Variants in CIB3 observed in about 807,000 individuals in gnomAD.
CIB3 encodes the protein calcium and integrin binding family member 3, also known as calcium and integrin-binding family member 3.
A neutral mutation model predicts 23.4 loss-of-function variants in CIB3; 22 were observed. The ratio of observed to expected loss-of-function variants is 0.94; its 90% CI spans 0.67 to 1.34. The LOEUF is 1.34. Ranked by LOEUF, CIB3 falls within the 40% of genes most tolerant of loss-of-function variation. The probability of loss-of-function intolerance (pLI) is 0.00; values close to 1 mark genes in which losing one functional copy is unlikely to be tolerated. For missense variants in CIB3, 258 were observed against 247.3 expected, an observed-to-expected ratio of 1.04 and a Z score of -0.29; for synonymous variants, 93 against 95.8, an observed-to-expected ratio of 0.97 and a Z score of 0.17.
chr19:16,168,070 GCCAC>G, intron 4 of CIB3, 63 bp downstream of exon 4: 2 of 1,531,452 alleles, frequency 1.3e-6, no homozygotes, highest in South Asian at 1.2e-5. Flanking sequence ...TGATGTGGGT[GCCAC>G]CCACCCAGTT....
chr19:16,166,061 A>G (rs1034280493), intron 4 of CIB3, among the ~76,000 whole-genome samples: 2 of 151,958 alleles, frequency 1.3e-5, no homozygotes, highest in Non-Finnish European at 2.9e-5. Context: ...GGAGGTGGAG[A>G]TGGGTAGATC....
At chr19:16,169,957 G>C (rs10405936) in intron 2 of CIB3, among the ~76,000 whole-genome samples, 94,640 of 152,016 alleles carry the variant, frequency 0.62, 32,324 homozygotes, top group East Asian at 0.95. Flanking sequence ...ACCCTGCCAC[G>C]CCCGGCTAAT....
chr19:16,173,121 T>C (rs1183005343), intron 2 of CIB3, 41 bp downstream of exon 2: 4 of 1,608,792 alleles, frequency 2.5e-6, no homozygotes, highest in Admixed American at 1.7e-5. Flanking sequence ...GAATAGAAAG[T>C]TGTTTTTCCA....
chr19:16,168,363 C>T, intron 3 of CIB3, 79 bp from the exon 4 acceptor site: 4 of 1,558,492 alleles, frequency 2.6e-6, no homozygotes, highest in Admixed American at 1.9e-5. Context: ...ACTATCAGCA[C>T]CCACCTTCTG....
intron 4 of CIB3, among the ~76,000 whole-genome samples, chr19:16,165,217 C>G (rs1016735823): frequency 3.7e-5 from 5 of 135,166 alleles, no homozygotes; most frequent in African/African-American, 1.1e-4. Context: ...CACTTGAGCC[C>G]GGGAGGTGGA....
intron 4 of CIB3, among the ~76,000 whole-genome samples, chr19:16,167,153 G>A (rs533493314): frequency 1.4e-3 from 210 of 152,204 alleles, no homozygotes; most frequent in African/African-American, 4.8e-3. Context: ...CCCGGAAGAC[G>A]GAGGTTGCAG....
intron 5 of CIB3, 97 bp downstream of exon 5, chr19:16,164,621 G>T: frequency 8.7e-7 from 1 of 1,146,760 alleles, no homozygotes; most frequent in Non-Finnish European, 1.3e-6. Context: ...ATGAAAGAAT[G>T]AATAGAGGAA....
chr19:16,173,515 G>T lies in CIB3; in HGVS notation c.-40C>A. 7.6e-6 allele frequency: 12 copies of T among 1,585,068 alleles called. No homozygotes were observed. Among genetic ancestry groups the T allele is most frequent in the Non-Finnish European group, 1.0e-5 (12 of 1,153,694 alleles). Reference sequence around the variant, plus strand: ...CCCAGACTTGGGGATGCACCCCAAAGGCTCCCAGCTTCCTCGGGGCCACAC... The same window carrying T: ...CCCAGACTTGGGGATGCACCCCAAATGCTCCCAGCTTCCTCGGGGCCACAC... On this transcript the variant is annotated 5_prime_UTR_variant, in exon 1 of 6. Transcript: ENST00000269878.
rs551602481 is a variant in CIB3 at position 16,173,150 on chromosome 19, C to G, written c.86+12G>C. The G allele has an allele frequency of 1.6e-5, 26 of 1,613,810 alleles. No homozygotes were observed. Among genetic ancestry groups the G allele is most frequent in the Non-Finnish European group, 2.1e-5 (25 of 1,180,014 alleles). ...TTTTCCAGATCTTCTCTCCCTTCCT[C>G]CCTGGACTGACCTCATGATCTCCTT... On this transcript the variant is annotated intron_variant, in intron 2 of 5. Transcript: ENST00000269878.
At chr19:16,164,082 C>T (rs542350975) in intron 5 of CIB3, among the ~76,000 whole-genome samples, 3 of 152,210 alleles carry the variant, frequency 2.0e-5, no homozygotes, top group South Asian at 2.1e-4. Context: ...GCAATCCTCC[C>T]GCCTCAGCCT....
Position 16,173,196 on chromosome 19 carries a change from C to CT in CIB3, c.52-1_52insA (p.Asp18ArgfsTer63). ...TCCTTCCTTGTGAAAAATGTGCAGTCCTGTGGAGAGAGGTGTTGTCTTAAC... is the reference window on the plus strand; with the variant it reads ...TCCTTCCTTGTGAAAAATGTGCAGTCTCTGTGGAGAGAGGTGTTGTCTTAAC... On this transcript the variant is annotated frameshift_variant and splice_region_variant. Transcript: ENST00000269878. LOFTEE classifies it high-confidence loss of function. The CT allele has an allele frequency of 1.2e-6, 2 of 1,613,984 alleles. No individual in the cohort carries two copies. The highest frequency in any genetic ancestry group is 1.7e-6 in the Non-Finnish European group (2 of 1,179,980).
At chr19:16,171,070 G>A (rs1472643486) in intron 2 of CIB3, among the ~76,000 whole-genome samples, 13 of 151,314 alleles carry the variant, frequency 8.6e-5, no homozygotes, top group Admixed American at 2.6e-4. Context: ...CCCGGGAGGC[G>A]CAGCATGCAG....
At chr19:16,173,060 AC>A in intron 2 of CIB3, 101 bp downstream of exon 2, 1 of 1,349,694 alleles carries the variant, frequency 7.4e-7, no homozygotes, top group South Asian at 1.2e-5. Context: ...ACACACACAC[AC>A]ACACACACAC....
At position 16,164,836 on chromosome 19, in the gene CIB3, C is replaced by T; in HGVS notation, c.424G>A (p.Ala142Thr). ...TCACATACCAGGCTCACCTCCTCGGCACTCAGCCCCCCCCGCGTCAGTTTG... is the reference window on the plus strand; with the variant it reads ...TCACATACCAGGCTCACCTCCTCGGTACTCAGCCCCCCCCGCGTCAGTTTG... ...VTKLTRGGLS[A>T]EEVSLVCEKV... The change falls in exon 5 of 6, where the codon GCC (alanine) becomes ACC (threonine). Residue 142 changes from alanine to threonine, a missense_variant. Ala to Thr is a moderately conservative substitution (Grantham distance 58, BLOSUM62 0). Coordinates refer to ENST00000269878, the MANE Select transcript of CIB3 (RefSeq NM_054113.4). 6.2e-7 allele frequency: 1 copy of T among 1,613,972 alleles called. No individual in the cohort carries two copies. The highest frequency in any genetic ancestry group is 8.5e-7 in the Non-Finnish European group (1 of 1,179,992).
intron 5 of CIB3, among the ~76,000 whole-genome samples, chr19:16,164,052 C>G (rs1467292893): frequency 6.6e-6 from 1 of 152,164 alleles, no homozygotes; most frequent in Non-Finnish European, 1.5e-5. Context: ...CTCACTGCGG[C>G]CTTGACCTCC....
chr19:16,171,790 C>G (rs1355083404), intron 2 of CIB3, among the ~76,000 whole-genome samples: 1 of 152,204 alleles, frequency 6.6e-6, no homozygotes, highest in Non-Finnish European at 1.5e-5. Context: ...CGAGGTGACC[C>G]TGCAAGCTGT....
At position 16,161,514 on chromosome 19, in the gene CIB3, G is replaced by A. The variant is rs555515605; in HGVS notation, c.543-28C>T. 1.4e-5 allele frequency: 22 copies of A among 1,613,546 alleles called. No individual in the cohort carries two copies. In the South Asian group the frequency reaches 2.1e-4, roughly 15 times the overall value. ...GTGTGCAGAGAGAAAAGGAGTCAAGGCCTTCAAGGAGTGGACAACCCCTTT... is the reference window on the plus strand; with the variant it reads ...GTGTGCAGAGAGAAAAGGAGTCAAGACCTTCAAGGAGTGGACAACCCCTTT... On this transcript the variant is annotated intron_variant, in intron 5 of 5. Coordinates refer to ENST00000269878, the MANE Select transcript of CIB3 (RefSeq NM_054113.4).
At chr19:16,170,670 A>C (rs562381770) in intron 2 of CIB3, among the ~76,000 whole-genome samples, 153 of 151,702 alleles carry the variant, frequency 1.0e-3, no homozygotes, top group Non-Finnish European at 1.8e-3. Context: ...AAAATACAAA[A>C]AATTAGCTGG....
chr19:16,161,673 C>A (rs201744550), intron 5 of CIB3, among the ~76,000 whole-genome samples, 187 bp from the exon 6 acceptor site: 5 of 100,050 alleles, frequency 5.0e-5, no homozygotes, highest in Admixed American at 1.4e-4. Flanking sequence ...TTTTTTAATT[C>A]TTTTTTTTTT....
Sources: gnomAD v4.1 joint callset for allele counts (sites outside exome capture counted in the v4.1 genomes callset) on GRCh38, gnomAD v4.1.1 for gene constraint, MANE v1.5 for transcripts, NCBI Gene and HGNC (gene_info 2026-07-23, HGNC 2026-07-21) for gene names.